Variants in EXTL2 observed in about 807,000 individuals in gnomAD.
EXTL2 encodes the protein exostosin-like 2.
In EXTL2, 23 loss-of-function variants were observed where a neutral mutation model predicts 30.7. The ratio of observed to expected loss-of-function variants is 0.75; its 90% confidence interval spans 0.54 to 1.06. The LOEUF (loss-of-function observed/expected upper bound fraction) is 1.06. Ranked by LOEUF, EXTL2 falls within the 50% of genes least tolerant of loss-of-function variation. The pLI is 0.00. For synonymous variants in EXTL2, 123 were observed against 133.8 expected (o/e 0.92, Z 0.56); for missense variants, 352 against 396.3 (o/e 0.89, Z 0.95).
intron 1 of EXTL2, among the ~76,000 whole-genome samples, chr1:100,890,814 T>A (rs1650367634): frequency 6.6e-6 from 1 of 152,270 alleles, no homozygotes; most frequent in Admixed American, 6.5e-5. Context: ...TACATCTTCC[T>A]GTCTTCTGAG....
In EXTL2 at chr1:100,874,104, G is replaced by C. The variant is rs1648909394; in HGVS notation, c.831C>G (p.Asn277Lys). The change falls in exon 5 of 5, where the codon AAC becomes AAG. Residue 277 changes from asparagine (N) to lysine (K), a missense_variant. Transcript: ENST00000370114. ...GATGCCACATTCCAGAATAGCCACT[G>C]TTGGTTTCTTTTTCCAAATTGTCCA... ...VNMDNLEKET[N>K]SGYSGMWHRA... 1.2e-6 allele frequency: 2 copies of C among 1,613,050 alleles called. No homozygotes were observed. The highest frequency in any genetic ancestry group is 1.7e-5 in the Admixed American group (1 of 59,842).
At chr1:100,895,110 C>T (rs1650792232), upstream of EXTL2, 1 of 152,254 alleles carries the variant, frequency 6.6e-6, no homozygotes, top group Non-Finnish European at 1.5e-5. Flanking sequence ...CTCCACACGC[C>T]CTCGCATCCC....
At chr1:100,890,993 G>C (rs1411422229) in intron 1 of EXTL2, among the ~76,000 whole-genome samples, 1 of 152,224 alleles carries the variant, frequency 6.6e-6, no homozygotes, top group Non-Finnish European at 1.5e-5. Flanking sequence ...ATACAGAATG[G>C]GTAGTAGAAG....
chr1:100,882,580 C>T (rs545495060), intron 2 of EXTL2, among the ~76,000 whole-genome samples: 13 of 152,344 alleles, frequency 8.5e-5, no homozygotes, highest in South Asian at 8.3e-4. Context: ...CCAGCACTTA[C>T]GGGGGCAAAA....
At chr1:100,876,990 T>A (rs1365273859) in intron 3 of EXTL2, 126 bp from the exon 4 acceptor site, 4 of 626,900 alleles carry the variant, frequency 6.4e-6, no homozygotes, top group Non-Finnish European at 1.1e-5. Context: ...AAATAAGCAA[T>A]GTATTCTTGG....
At chr1:100,874,506 TACAG>T in intron 4 of EXTL2, 76 bp from the exon 5 acceptor site, 2 of 1,190,674 alleles carry the variant, frequency 1.7e-6, no homozygotes, top group Non-Finnish European at 2.4e-6. Flanking sequence ...AATGATTTAT[TACAG>T]AGAGAATGAA....
intron 1 of EXTL2, among the ~76,000 whole-genome samples, chr1:100,893,753 T>C (rs1224477775): frequency 6.6e-6 from 1 of 152,238 alleles, no homozygotes; most frequent in Non-Finnish European, 1.5e-5. Flanking sequence ...CACTTTTATA[T>C]TGCAAATAAA....
chr1:100,889,270 C>G (rs990909025), intron 1 of EXTL2, among the ~76,000 whole-genome samples: 1 of 152,178 alleles, frequency 6.6e-6, no homozygotes, highest in South Asian at 2.1e-4. Context: ...ACCATCAGAT[C>G]TTGTGAGAAC....
chr1:100,886,700 G>A (rs890278318), intron 2 of EXTL2, among the ~76,000 whole-genome samples: 4 of 152,266 alleles, frequency 2.6e-5, no homozygotes, highest in South Asian at 2.1e-4. Flanking sequence ...GCATAAAGTC[G>A]TTTTCAAGCA....
At chr1:100,878,532 A>T in intron 2 of EXTL2, 2 of 462,096 alleles carry the variant, frequency 4.3e-6, no homozygotes, top group South Asian at 3.1e-5. Context: ...ATAACACAAT[A>T]AACAAATTCA....
intron 4 of EXTL2, among the ~76,000 whole-genome samples, chr1:100,875,677 T>C (rs1432793773): frequency 6.6e-6 from 1 of 152,076 alleles, no homozygotes; most frequent in Non-Finnish European, 1.5e-5. Context: ...TGAATTTAAG[T>C]TGGTCAATGG....
chr1:100,885,538 AAGTC>A (rs1280517527), intron 2 of EXTL2: 1 of 152,262 alleles, frequency 6.6e-6, no homozygotes, highest in Non-Finnish European at 1.5e-5. Context: ...AGAGAAAACT[AAGTC>A]AGAACACTAC....
intron 2 of EXTL2, chr1:100,880,971 G>A (rs1649509081): frequency 4.1e-6 from 4 of 974,464 alleles, no homozygotes; most frequent in African/African-American, 1.8e-5. Context: ...TCCTTCTCAT[G>A]TATTCTTTTA....
In EXTL2 at chr1:100,877,224, G is replaced by C. The variant is rs922768237; in HGVS notation, c.433+252C>G. Among the ~76,000 whole-genome samples the C allele has an allele frequency of 1.3e-5, 2 of 152,022 alleles. No individual in the cohort carries two copies. The highest frequency in any genetic ancestry group is 4.8e-5 in the African/African-American group (2 of 41,412). On this transcript the variant is annotated intron_variant, in intron 3 of 4. Transcript: ENST00000370114. This position sits in a 1 kb window ranked among gnomAD's most constrained non-coding sequence, Gnocchi z 4.1. Reference sequence around the variant, plus strand: ...AAATATATTAAGCATAAGCTAAATGGCATCTTACTATCAACTGTAATGCAA... The same window carrying C: ...AAATATATTAAGCATAAGCTAAATGCCATCTTACTATCAACTGTAATGCAA...
chr1:100,886,006 T>C (rs1479790958), intron 2 of EXTL2: 1 of 152,224 alleles, frequency 6.6e-6, no homozygotes, highest in Non-Finnish European at 1.5e-5. Context: ...AAAGAGTCCA[T>C]GTAGTGTCAG....
At chr1:100,886,473 AG>A (rs957689865) in intron 2 of EXTL2, among the ~76,000 whole-genome samples, 3 of 152,236 alleles carry the variant, frequency 2.0e-5, no homozygotes, top group Non-Finnish European at 4.4e-5. Context: ...ATGGGATATC[AG>A]GCATTAAGTA....
intron 1 of EXTL2, among the ~76,000 whole-genome samples, chr1:100,890,702 T>TCTC: frequency 6.6e-6 from 1 of 152,176 alleles, no homozygotes; most frequent in East Asian, 1.9e-4. Flanking sequence ...AAGTTCCTCA[T>TCTC]CTCCATCTGA....
intron 2 of EXTL2, 158 bp downstream of exon 2, chr1:100,888,595 G>C: frequency 2.4e-6 from 1 of 422,458 alleles, no homozygotes; most frequent in Non-Finnish European, 4.3e-6. Flanking sequence ...TAAAGTTTCA[G>C]TTTTGCAAGA....
chr1:100,881,120 G>A (rs1056267632), intron 2 of EXTL2: 6 of 752,146 alleles, frequency 8.0e-6, no homozygotes, highest in Non-Finnish European at 9.7e-6. Context: ...AATATTTCAT[G>A]AGGTATTTAT....
Sources: allele counts gnomAD v4.1 joint callset (sites outside exome capture counted in the v4.1 genomes callset), GRCh38; gene constraint gnomAD v4.1.1; non-coding constraint Gnocchi (gnomAD v3.1); transcripts MANE v1.5; gene names NCBI Gene and HGNC (gene_info 2026-07-23, HGNC 2026-07-21).